Variants in NDE1 observed in about 807,000 individuals in gnomAD.
NDE1 encodes the protein nudE neurodevelopment protein 1, also known as nuclear distribution protein nudE homolog 1.
Under a neutral mutation model 43.4 loss-of-function variants are expected in NDE1, and 28 were observed. The observed-to-expected ratio is 0.65, with a 90% CI of 0.48 to 0.89. The LOEUF (loss-of-function observed/expected upper bound fraction) is 0.89, where lower values mean the gene tolerates loss of function less well. Among genes scored for constraint, NDE1 ranks in the 40% least tolerant of loss-of-function variants. NDE1 has a pLI of 0.00. For missense variants in NDE1, 441 were observed against 434.1 expected (o/e 1.02, Z -0.14); for synonymous variants, 184 against 172.0 (o/e 1.07, Z -0.55).
At chr16:15,711,819 AG>A (rs2039815253) in intron 8 of NDE1, among the ~76,000 whole-genome samples, 1 of 152,054 alleles carries the variant, frequency 6.6e-6, no homozygotes, top group Admixed American at 6.6e-5. Context: ...CAGCCTCCCT[AG>A]TAGCTGGGAT....
chr16:15,717,431 T>G, intron 8 of NDE1: 6 of 1,463,348 alleles, frequency 4.1e-6, no homozygotes, highest in Non-Finnish European at 5.6e-6. Context: ...CCTGCCTTGT[T>G]TGGCCTCTGC....
At chr16:15,711,547 A>G (rs2039795153) in intron 8 of NDE1, among the ~76,000 whole-genome samples, 1 of 152,208 alleles carries the variant, frequency 6.6e-6, no homozygotes, top group Non-Finnish European at 1.5e-5. Flanking sequence ...ATATTCATGT[A>G]TGATTAAAAC....
chr16:15,649,802 T>A (rs978988358), upstream of NDE1, among the ~76,000 whole-genome samples: 1 of 152,176 alleles, frequency 6.6e-6, no homozygotes, highest in Non-Finnish European at 1.5e-5. Flanking sequence ...ACTTTTGGTG[T>A]AAAGGAGTAG....
At chr16:15,652,768 A>G (rs536757957) in intron 1 of NDE1, among the ~76,000 whole-genome samples, 3 of 152,174 alleles carry the variant, frequency 2.0e-5, no homozygotes, top group African/African-American at 4.8e-5. Flanking sequence ...GGCTCAAGCA[A>G]TCCTCTTGCC....
chr16:15,702,557 C>A (rs2039255185), intron 8 of NDE1, among the ~76,000 whole-genome samples: 1 of 145,758 alleles, frequency 6.9e-6, no homozygotes, highest in Non-Finnish European at 1.5e-5. Context: ...GCCTGGCTTA[C>A]TAACAACAAC....
At chr16:15,651,090 G>A (rs1177839603) in intron 1 of NDE1, among the ~76,000 whole-genome samples, 2 of 152,162 alleles carry the variant, frequency 1.3e-5, no homozygotes, top group South Asian at 2.1e-4. Flanking sequence ...CCTTGACACC[G>A]CTTTTGGGGA....
In NDE1 at chr16:15,718,423, G is replaced by C. The variant is rs145101141; in HGVS notation, c.948-5768G>C. On this transcript the variant is annotated intron_variant, in intron 8 of 8. Transcript: ENST00000396354. ...TCCGGGCCTCCAGGCGGCGCTTCTC[G>C]TCCTGGAGTGCGTTCCTGGGGGAAG... The C allele has an allele frequency of 1.9e-6, 3 of 1,574,648 alleles. No homozygotes were observed. Among genetic ancestry groups the C allele is most frequent in the Non-Finnish European group, 2.6e-6 (3 of 1,161,662 alleles).
At chr16:15,704,637 A>G (rs1184341185) in intron 8 of NDE1, among the ~76,000 whole-genome samples, 1 of 152,184 alleles carries the variant, frequency 6.6e-6, no homozygotes, top group Non-Finnish European at 1.5e-5. Context: ...TGAAATGGAC[A>G]AGGGCAGCCT....
At chr16:15,709,148 G>A (rs758639068) in intron 8 of NDE1, among the ~76,000 whole-genome samples, 1 of 151,576 alleles carries the variant, frequency 6.6e-6, no homozygotes, top group African/African-American at 2.4e-5. Flanking sequence ...CACTATGTTG[G>A]TCAGGCTTGT....
intron 3 of NDE1, among the ~76,000 whole-genome samples, chr16:15,668,871 A>T (rs1424640648): frequency 6.6e-6 from 1 of 151,856 alleles, no homozygotes; most frequent in African/African-American, 2.4e-5. Flanking sequence ...GTTGGGAGGG[A>T]CTGAGGTTTG....
In NDE1 at chr16:15,664,835, A is replaced by G. The variant is rs1333403349; in HGVS notation, c.57A>G (p.Lys19=). The G allele has an allele frequency of 6.2e-7, 1 of 1,613,582 alleles. No individual in the cohort carries two copies. Among genetic ancestry groups the G allele is most frequent in the Non-Finnish European group, 8.5e-7 (1 of 1,179,772 alleles). Residue 19 remains lysine (K), a synonymous_variant, in exon 2 of 9, where the codon AAA becomes AAG. Transcript: ENST00000396354. The stretch of plus-strand genomic sequence containing the variant: ...AGGAGGAAGAAGCTAACTATTGGAA[A>G]GATCTGGCGATGACCTACAAACAGA... ...SSEEEEANYW[K]DLAMTYKQRA... is the part of the protein sequence containing the mutation.
chr16:15,718,773 A>C, intron 8 of NDE1: 1 of 441,120 alleles, frequency 2.3e-6, no homozygotes, highest in Non-Finnish European at 4.2e-6. Flanking sequence ...CTGACGGAAA[A>C]CCTAACCACC....
chr16:15,687,948 G>A (rs573461986), intron 5 of NDE1, among the ~76,000 whole-genome samples: 17 of 152,260 alleles, frequency 1.1e-4, no homozygotes, highest in Middle Eastern at 6.8e-3. Flanking sequence ...TTGGGAGGCC[G>A]AGGATCTCTT....
At chr16:15,684,012 C>G (rs951952539) in intron 4 of NDE1, among the ~76,000 whole-genome samples, 1 of 152,074 alleles carries the variant, frequency 6.6e-6, no homozygotes, top group Non-Finnish European at 1.5e-5. Context: ...GGGCGGATCA[C>G]CTGAGGTTAG....
intron 8 of NDE1, chr16:15,721,396 G>A (rs369034509): frequency 3.1e-5 from 50 of 1,612,678 alleles, no homozygotes; most frequent in African/African-American, 5.3e-5. Flanking sequence ...AAACATGGAC[G>A]AGAAAAACCA....
At position 15,724,582 on chromosome 16, in the gene NDE1, C is replaced by T. The variant is rs1380149967; in HGVS notation, c.*331C>T. 3.5e-5 allele frequency: 57 copies of T among 1,611,000 alleles called. No individual in the cohort carries two copies. Among genetic ancestry groups the T allele is most frequent in the South Asian group, 1.1e-4 (10 of 90,982 alleles). ...CCAACACTCCACCGCGATCTGCCTG[C>T]GGGGGATCTCAGCGCAGAGAAGTTG... On this transcript the variant is annotated 3_prime_UTR_variant, in exon 9 of 9. Coordinates refer to ENST00000396354, the MANE Select transcript of NDE1 (RefSeq NM_017668.3).
chr16:15,707,959 CAAAAAAA>C (rs59081092), intron 8 of NDE1, among the ~76,000 whole-genome samples: 3 of 115,964 alleles, frequency 2.6e-5, no homozygotes, highest in Non-Finnish European at 3.5e-5. Context: ...GACTCCGTCT[CAAAAAAA>C]AAAAAAAAAA....
intron 8 of NDE1, among the ~76,000 whole-genome samples, chr16:15,707,329 T>TA (rs1400176337): frequency 2.0e-5 from 3 of 152,142 alleles, no homozygotes; most frequent in Non-Finnish European, 4.4e-5. Context: ...GTGCCTGGCC[T>TA]AGCATTTGGA....
rs766080443 is a variant in NDE1, at chr16:15,687,427, G to A, written c.439G>A (p.Glu147Lys). The change falls in exon 5 of 9, where the codon GAA becomes AAA. Residue 147 changes from glutamate to lysine, a missense_variant. Physicochemically the swap from Glu to Lys is moderately conservative, Grantham distance 56. Coordinates refer to ENST00000396354, the MANE Select transcript of NDE1 (RefSeq NM_017668.3). ...TGAGCAGCGCTTGAATCAGGCCATC[G>A]AAAGAAATGCCTTCCTGGAAAGTGA... ...DFEQRLNQAIERNAFLESELD... is the reference protein window; with the variant it reads ...DFEQRLNQAIKRNAFLESELD... 5.0e-6 allele frequency: 8 copies of A among 1,614,170 alleles called. No homozygotes were observed. The Admixed American group carries it at 6.7e-5, about 13-fold the overall frequency.
Sources: gnomAD v4.1 joint callset for allele counts (sites outside exome capture counted in the v4.1 genomes callset) on GRCh38, gnomAD v4.1.1 for gene constraint, MANE v1.5 for transcripts, NCBI Gene and HGNC (gene_info 2026-07-23, HGNC 2026-07-21) for gene names.